PTTG1IP2: variants seen among roughly 807,000 people sequenced by gnomAD.
The protein encoded by PTTG1IP2 is PTTG1IP family member 2.
intron 1 of PTTG1IP2, among the ~76,000 whole-genome samples, chr7:90,475,758 A>T (rs1797741169): frequency 6.6e-6 from 1 of 152,166 alleles, no homozygotes; most frequent in Non-Finnish European, 1.5e-5. Flanking sequence ...CAGGAGATAG[A>T]GACCATCCTG....
chr7:90,498,988 C>G (rs1403665849), intron 6 of PTTG1IP2, among the ~76,000 whole-genome samples: 1 of 152,080 alleles, frequency 6.6e-6, no homozygotes, highest in South Asian at 2.1e-4. Context: ...AGTATCCAAG[C>G]CTACAGATGC....
At chr7:90,482,697 T>C (rs1278945135) in intron 2 of PTTG1IP2, among the ~76,000 whole-genome samples, 9 of 152,206 alleles carry the variant, frequency 5.9e-5, no homozygotes. Context: ...TTCTCAATCA[T>C]GGTGTCACAA....
chr7:90,498,514 G>A (rs1248565100), intron 6 of PTTG1IP2, among the ~76,000 whole-genome samples: 5 of 152,102 alleles, frequency 3.3e-5, no homozygotes, highest in African/African-American at 1.2e-4. Context: ...GAGAGCAGGG[G>A]TAGCTATACT....
intron 6 of PTTG1IP2, among the ~76,000 whole-genome samples, chr7:90,508,561 T>C (rs976737959): frequency 2.0e-5 from 3 of 152,126 alleles, no homozygotes; most frequent in Non-Finnish European, 4.4e-5. Context: ...CAATAGTAAA[T>C]AAATTCTGCT....
chr7:90,478,828 A>AT (rs56214708), intron 1 of PTTG1IP2, among the ~76,000 whole-genome samples: 14,630 of 145,594 alleles, frequency 0.1, 903 homozygotes, highest in South Asian at 0.21. Flanking sequence ...TAGGGAATTA[A>AT]TTTTTTTTTT....
intron 6 of PTTG1IP2, among the ~76,000 whole-genome samples, chr7:90,510,101 A>T (rs774540278): frequency 1.3e-5 from 2 of 152,176 alleles, no homozygotes; most frequent in African/African-American, 2.4e-5. Context: ...CATCTGAGCA[A>T]TGAATGTCCA....
chr7:90,494,624 G>A (rs1797972515), intron 6 of PTTG1IP2, among the ~76,000 whole-genome samples, 194 bp downstream of exon 6: 1 of 152,184 alleles, frequency 6.6e-6, no homozygotes, highest in Admixed American at 6.5e-5. Flanking sequence ...GCTGATCTCT[G>A]TAATCCCAGC....
intron 6 of PTTG1IP2, among the ~76,000 whole-genome samples, chr7:90,494,705 G>A (rs1797973806): frequency 1.3e-5 from 2 of 152,102 alleles, no homozygotes; most frequent in African/African-American, 4.8e-5. Context: ...AATATAGCGA[G>A]ATTCCATGTC....
chr7:90,508,774 A>C (rs1421035175), intron 6 of PTTG1IP2, among the ~76,000 whole-genome samples: 1 of 152,164 alleles, frequency 6.6e-6, no homozygotes, highest in Non-Finnish European at 1.5e-5. Flanking sequence ...TTTATGTGAG[A>C]TAGACAATGG....
At chr7:90,505,002 T>C (rs893865723) in intron 6 of PTTG1IP2, among the ~76,000 whole-genome samples, 2 of 152,168 alleles carry the variant, frequency 1.3e-5, no homozygotes, top group African/African-American at 4.8e-5. Context: ...TCATAAGACT[T>C]AGCTAATCTC....
Position 90,497,339 on chromosome 7 carries a change from C to T in PTTG1IP2, c.*50+2909C>T, listed in dbSNP as rs374066776. Among the ~76,000 whole-genome samples the T allele has an allele frequency of 1.6e-3, 246 of 151,944 alleles. 2 individuals carry two copies. Among genetic ancestry groups the T allele is most frequent in the African/African-American group, 5.6e-3 (231 of 41,460 alleles). ...CAACACTTTGGGAAGCCGAGGCAGG[C>T]GGATCACGAGGTCAGGAGATCGAGA... On this transcript the variant is annotated intron_variant, in intron 6 of 6. Transcript: ENST00000509356.
At chr7:90,494,690 C>A (rs1010693630) in intron 6 of PTTG1IP2, among the ~76,000 whole-genome samples, 21 of 151,964 alleles carry the variant, frequency 1.4e-4, no homozygotes, top group Non-Finnish European at 2.5e-4. Flanking sequence ...GAGACTAGCC[C>A]GGACAATATA....
At chr7:90,506,660 G>A (rs1218225683) in intron 6 of PTTG1IP2, among the ~76,000 whole-genome samples, 1 of 152,144 alleles carries the variant, frequency 6.6e-6, no homozygotes, top group Non-Finnish European at 1.5e-5. Context: ...CTAGCTACTT[G>A]AGAGGGTGAG....
At chr7:90,491,976 C>A (rs1584696183) in intron 4 of PTTG1IP2, among the ~76,000 whole-genome samples, 1 of 151,832 alleles carries the variant, frequency 6.6e-6, no homozygotes, top group Non-Finnish European at 1.5e-5. Context: ...ACTAAAAATA[C>A]AAAAATTAGC....
At chr7:90,484,424 C>G (rs1348542590) in intron 2 of PTTG1IP2, among the ~76,000 whole-genome samples, 2 of 152,070 alleles carry the variant, frequency 1.3e-5, no homozygotes, top group Non-Finnish European at 2.9e-5. Flanking sequence ...AAAATGAGTA[C>G]TATAATTTTC....
At chr7:90,505,990 CAAA>C (rs59521168) in intron 6 of PTTG1IP2, among the ~76,000 whole-genome samples, 15,675 of 78,844 alleles carry the variant, frequency 0.2, 1,473 homozygotes, top group Middle Eastern at 0.42. Context: ...GACTCCGTCT[CAAA>C]AAAAAAAAAA....
In PTTG1IP2 at chr7:90,469,728, A is replaced by G. The variant is rs1797659145; in HGVS notation, c.-59A>G. 1.3e-5 allele frequency: 2 copies of G among 152,716 alleles called. No homozygotes were observed. Among genetic ancestry groups the G allele is most frequent in the East Asian group, 3.9e-4 (2 of 5,192 alleles). 9.5% of individuals were successfully genotyped at this position (152,716 alleles called of 1,614,324 possible). On this transcript the variant is annotated 5_prime_UTR_variant, in exon 1 of 7. Transcript: ENST00000509356. ...GTCTCTGGGCGGGTCTCAGTGTCCA[A>G]CACTGTAGCTGGTGCCTGCCAGGTT...
intron 5 of PTTG1IP2, among the ~76,000 whole-genome samples, chr7:90,492,701 C>A (rs1008589462): frequency 6.6e-6 from 1 of 152,086 alleles, no homozygotes; most frequent in Non-Finnish European, 1.5e-5. Context: ...TAAAGATGGG[C>A]TAAAATTTTC....
At chr7:90,506,823 A>C (rs1210634489) in intron 6 of PTTG1IP2, among the ~76,000 whole-genome samples, 1 of 152,052 alleles carries the variant, frequency 6.6e-6, no homozygotes, top group Non-Finnish European at 1.5e-5. Flanking sequence ...CTAATTCTTC[A>C]TCTTTCCTTT....
Sources: allele counts gnomAD v4.1 joint callset (sites outside exome capture counted in the v4.1 genomes callset), GRCh38; gene constraint gnomAD v4.1.1; transcripts MANE v1.5; gene names NCBI Gene and HGNC (gene_info 2026-07-23, HGNC 2026-07-21).